SNAPC3: variants seen among roughly 807,000 people sequenced by gnomAD.
SNAPC3 encodes small nuclear RNA activating complex polypeptide 3.
Under a neutral mutation model 47.7 loss-of-function variants are expected in SNAPC3, and 56 were observed. The observed-to-expected ratio is 1.18, with a 90% CI of 0.95 to 1.47. The LOEUF is 1.47. SNAPC3 is among the 40% of genes most tolerant of loss of function. The pLI, the probability that SNAPC3 is intolerant of heterozygous loss-of-function variation, is 0.00. For synonymous variants in SNAPC3, 235 were observed against 189.9 expected, an observed-to-expected ratio of 1.24 and a Z score of -1.95; for missense variants, 665 against 511.3, an observed-to-expected ratio of 1.30 and a Z score of -2.90.
intron 3 of SNAPC3, among the ~76,000 whole-genome samples, chr9:15,440,313 CTT>C (rs1244130034): frequency 1.3e-5 from 2 of 152,134 alleles, no homozygotes; most frequent in Non-Finnish European, 2.9e-5. Context: ...TGTCTAGTGT[CTT>C]TTCATTTCAG....
chr9:15,424,538 GACAAAC>G (rs947826461), intron 2 of SNAPC3, among the ~76,000 whole-genome samples: 3 of 150,968 alleles, frequency 2.0e-5, no homozygotes, highest in African/African-American at 7.4e-5. Flanking sequence ...AATTAAAAAA[GACAAAC>G]ACAATATAAG....
chr9:15,453,166 A>G lies in SNAPC3; in HGVS notation c.941A>G (p.Gln314Arg). 1 of 1,613,108 alleles carries G rather than the reference A, an allele frequency of 6.2e-7. No individual in the cohort carries two copies. Among genetic ancestry groups the G allele is most frequent in the Non-Finnish European group, 8.5e-7 (1 of 1,179,140 alleles). The part of the protein sequence containing the change: ...KLGFPYLYCH[Q>R]GDCEHVIVIT... ...GGTTTTCCTTACTTATACTGTCATC[A>G]GGGAGACTGTGAACATGTCATTGTC... The change falls in exon 7 of 9, where the codon CAG becomes CGG. Residue 314 changes from glutamine to arginine, a missense_variant. Coordinates refer to ENST00000380821, the MANE Select transcript of SNAPC3 (RefSeq NM_001039697.2).
chr9:15,447,725 A>G (rs955276336), intron 5 of SNAPC3, among the ~76,000 whole-genome samples: 2 of 152,128 alleles, frequency 1.3e-5, no homozygotes, highest in African/African-American at 4.8e-5. Context: ...GTGATCTGTC[A>G]TGATTGTGCC....
Position 15,461,308 on chromosome 9 carries a change from C to G in SNAPC3, c.*1442C>G, listed in dbSNP as rs1032197117. ...ACCGAGTAGCTGAGACATGGTGGCA[C>G]AGGCCACCATGGCGGGCTAATTTTT... On this transcript the variant is annotated 3_prime_UTR_variant, in exon 9 of 9. Coordinates refer to ENST00000380821, the MANE Select transcript of SNAPC3 (RefSeq NM_001039697.2). The G allele has an allele frequency of 1.9e-4, 29 of 152,202 alleles. No individual in the cohort carries two copies. 9.4% of individuals were successfully genotyped at this position (152,202 alleles called of 1,614,324 possible).
At chr9:15,459,099 A>T (rs530137637) in intron 8 of SNAPC3, among the ~76,000 whole-genome samples, 2 of 152,250 alleles carry the variant, frequency 1.3e-5, no homozygotes, top group Non-Finnish European at 2.9e-5. Flanking sequence ...AAAACATGAT[A>T]AATCAAAGTG....
At chr9:15,465,876 T>G (rs1225362120), downstream of SNAPC3, 1 of 292,938 alleles carries the variant, frequency 3.4e-6, no homozygotes, top group Non-Finnish European at 6.3e-6. Context: ...TGAATTCTCT[T>G]TAAAGAACAT....
chr9:15,455,203 A>G (rs2034685407), intron 7 of SNAPC3, among the ~76,000 whole-genome samples: 1 of 152,228 alleles, frequency 6.6e-6, no homozygotes, highest in Admixed American at 6.5e-5. Flanking sequence ...CCAGAAGAAT[A>G]CATAAACCTT....
intron 2 of SNAPC3, among the ~76,000 whole-genome samples, chr9:15,426,598 A>C (rs2031432208): frequency 6.6e-6 from 1 of 152,226 alleles, no homozygotes; most frequent in Non-Finnish European, 1.5e-5. Context: ...GATAGACTGA[A>C]AAAAGAACGT....
rs562631614 is a variant in SNAPC3 at position 15,457,871 on chromosome 9, TACTCAG to T, written c.981-88_981-83del. 3.0e-4 allele frequency: 225 copies of T among 743,562 alleles called. No individual in the cohort carries two copies. The South Asian group carries it at 3.9e-3, about 13-fold the overall frequency. The allele number at this position is 743,562 out of a possible 1,614,324, so 46.1% of individuals were successfully genotyped here. On this transcript the variant is annotated intron_variant, in intron 7 of 8. Coordinates refer to ENST00000380821, the MANE Select transcript of SNAPC3 (RefSeq NM_001039697.2). ...AAATTGAAAGTATCTATTTTCCTAA[TACTCAG>T]GCACAGATATATTTAATAGCTCATA...
chr9:15,451,425 C>T, intron 6 of SNAPC3, 23 bp downstream of exon 6: 1 of 1,145,064 alleles, frequency 8.7e-7, no homozygotes, highest in Middle Eastern at 2.0e-4. Context: ...AAAATCTTCT[C>T]AAAGTCTTTC....
chr9:15,454,328 C>G (rs2034615702), intron 7 of SNAPC3, among the ~76,000 whole-genome samples: 1 of 152,128 alleles, frequency 6.6e-6, no homozygotes. Context: ...TTTTGTATCC[C>G]ATGCACTCCA....
At chr9:15,423,233 A>T (rs757664054) in intron 1 of SNAPC3, 40 bp downstream of exon 1, 3 of 1,527,350 alleles carry the variant, frequency 2.0e-6, no homozygotes, top group Non-Finnish European at 1.7e-6. Context: ...CTTGGGGTCA[A>T]ACAGGGTGCA....
intron 4 of SNAPC3, among the ~76,000 whole-genome samples, chr9:15,446,527 A>G (rs2033945086): frequency 6.6e-6 from 1 of 152,168 alleles, no homozygotes; most frequent in Non-Finnish European, 1.5e-5. Flanking sequence ...ATTCTAATTT[A>G]TGGAGATGAC....
At chr9:15,425,207 CTATGT>C (rs1195717881) in intron 2 of SNAPC3, among the ~76,000 whole-genome samples, 4 of 152,248 alleles carry the variant, frequency 2.6e-5, no homozygotes, top group East Asian at 3.9e-4. Flanking sequence ...CATACCACTT[CTATGT>C]TATGTTATGT....
Position 15,459,933 on chromosome 9 carries a change from C to G in SNAPC3, c.*67C>G. The G allele has an allele frequency of 7.0e-7, 1 of 1,419,062 alleles. No individual in the cohort carries two copies. Among genetic ancestry groups the G allele is most frequent in the Non-Finnish European group, 9.7e-7 (1 of 1,033,474 alleles). The allele number at this position is 1,419,062 out of a possible 1,614,324, so 87.9% of individuals were successfully genotyped here. The stretch of plus-strand genomic sequence containing the variant: ...GTTCTCTTGGATGGTTACCTTATTT[C>G]TAAGAAACGCCACTGAGGAACAGGA... On this transcript the variant is annotated 3_prime_UTR_variant, in exon 9 of 9. Transcript: ENST00000380821.
chr9:15,446,667 GA>G (rs143617760), intron 4 of SNAPC3, among the ~76,000 whole-genome samples: 6,388 of 152,264 alleles, frequency 0.042, 446 homozygotes, highest in African/African-American at 0.15. Context: ...TGAAAGGGGA[GA>G]GGGGAAGGCA....
In SNAPC3 at chr9:15,437,242, CT is replaced by C. The variant is rs796295021; in HGVS notation, c.477+3617del. Among the ~76,000 whole-genome samples the C allele has an allele frequency of 1.6e-3, 228 of 144,112 alleles. 2 individuals carry two copies. The highest frequency in any genetic ancestry group is 4.4e-3 in the African/African-American group (175 of 39,508). The allele number at this position is 144,112 out of a possible 152,430, so 94.5% of individuals were successfully genotyped here. On this transcript the variant is annotated intron_variant, in intron 3 of 8. Coordinates refer to ENST00000380821, the MANE Select transcript of SNAPC3 (RefSeq NM_001039697.2). ...GTAAGTGAAATTGTTTTCTTAATTC[CT>C]TTTTTTTTTTGAGACAGTCTTGTTC...
At chr9:15,448,823 C>G (rs1490471011) in intron 5 of SNAPC3, among the ~76,000 whole-genome samples, 1 of 148,190 alleles carries the variant, frequency 6.7e-6, no homozygotes, top group African/African-American at 2.5e-5. Flanking sequence ...CTTTTTCTTT[C>G]TTTTTTTTTT....
downstream of SNAPC3, among the ~76,000 whole-genome samples, chr9:15,466,306 G>A (rs982726539): frequency 6.6e-6 from 1 of 152,352 alleles, no homozygotes; most frequent in Admixed American, 6.5e-5. Context: ...TTGAACCCAG[G>A]AAGTGGAGGT....
Sources: allele counts gnomAD v4.1 joint callset (sites outside exome capture counted in the v4.1 genomes callset), GRCh38; gene constraint gnomAD v4.1.1; transcripts MANE v1.5; gene names NCBI Gene and HGNC (gene_info 2026-07-23, HGNC 2026-07-21).